The following KIAA1217 variants were observed in gnomAD, a reference collection of about 807,000 sequenced individuals.
KIAA1217 encodes KIAA1217, also known as sickle tail protein homolog.
In KIAA1217, 88 loss-of-function variants were observed where a neutral mutation model predicts 163.9. The ratio of observed to expected loss-of-function variants is 0.54; its 90% CI spans 0.45 to 0.64. The LOEUF (loss-of-function observed/expected upper bound fraction) is 0.64. Ranked by LOEUF, KIAA1217 falls within the 30% of genes least tolerant of loss-of-function variation. The pLI is 0.00. For missense variants in KIAA1217, 2,372 were observed against 2,475.0 expected (o/e 0.96, Z 0.88); for synonymous variants, 903 against 923.1 (o/e 0.98, Z 0.39).
intron 1 of KIAA1217, among the ~76,000 whole-genome samples, chr10:23,813,593 T>C (rs1161513918): frequency 6.6e-6 from 1 of 152,220 alleles, no homozygotes; most frequent in Non-Finnish European, 1.5e-5. Flanking sequence ...TACTATGTAA[T>C]TTATGTACCA....
chr10:24,383,866 C>T lies in KIAA1217; in HGVS notation c.553+2799C>T, dbSNP rs80164647. On this transcript the variant is annotated intron_variant, in intron 3 of 20. Transcript: ENST00000376454. ...ATGGCGTAATCCAGTTGAGCCTGGA[C>T]GGGAAATAAAAAGGAAAATGTGACT... Among the ~76,000 whole-genome samples the T allele has an allele frequency of 1.4e-4, 22 of 152,286 alleles. No homozygotes were observed. The East Asian group carries it at 1.9e-3, about 13-fold the overall frequency.
At chr10:24,011,226 C>A (rs1364705604) in intron 2 of KIAA1217, among the ~76,000 whole-genome samples, 1 of 152,140 alleles carries the variant, frequency 6.6e-6, no homozygotes, top group East Asian at 1.9e-4. Flanking sequence ...TGGCTCACAC[C>A]TATAGTCCCA....
chr10:24,050,564 C>A (rs1849430273), intron 2 of KIAA1217, among the ~76,000 whole-genome samples: 1 of 152,072 alleles, frequency 6.6e-6, no homozygotes, highest in Non-Finnish European at 1.5e-5. Context: ...AATAGGAAAT[C>A]TTTTTCCCAT....
At chr10:23,928,147 A>G (rs1843106872) in intron 1 of KIAA1217, among the ~76,000 whole-genome samples, 1 of 152,164 alleles carries the variant, frequency 6.6e-6, no homozygotes, top group African/African-American at 2.4e-5. Flanking sequence ...TCTTTGAGAC[A>G]TTGTGCTTGT....
intron 1 of KIAA1217, among the ~76,000 whole-genome samples, chr10:23,711,882 G>A (rs920827598): frequency 1.3e-5 from 2 of 152,130 alleles, no homozygotes; most frequent in Non-Finnish European, 2.9e-5. Flanking sequence ...GATGGGAAAC[G>A]AAGCCTGATA....
chr10:23,965,655 A>G (rs1428643696), intron 1 of KIAA1217, among the ~76,000 whole-genome samples: 1 of 152,218 alleles, frequency 6.6e-6, no homozygotes, highest in African/African-American at 2.4e-5. Context: ...CAGGAAGCAA[A>G]ATAAAAGAGC....
intron 3 of KIAA1217, among the ~76,000 whole-genome samples, chr10:24,405,266 T>C (rs2057083592): frequency 6.6e-6 from 1 of 152,218 alleles, no homozygotes. Flanking sequence ...GCGACCTCCC[T>C]GTACATTTCT....
Position 24,145,686 on chromosome 10 carries a change from C to G in KIAA1217, c.-170-73940C>G, listed in dbSNP as rs565529974. Among the ~76,000 whole-genome samples the G allele has an allele frequency of 9.2e-5, 14 of 152,300 alleles. No homozygotes were observed. The South Asian group carries it at 1.2e-3, about 14-fold the overall frequency. On this transcript the variant is annotated intron_variant, in intron 2 of 18. Transcript: ENST00000376462. Reference sequence around the variant, plus strand: ...CCCAAAACCTCAAAAGTAGGGAAGCCAACAATGCAGCCTTCAGTCTGTGGC... The same window carrying G: ...CCCAAAACCTCAAAAGTAGGGAAGCGAACAATGCAGCCTTCAGTCTGTGGC...
chr10:24,357,862 G>A (rs143242520), intron 2 of KIAA1217, among the ~76,000 whole-genome samples: 83 of 152,320 alleles, frequency 5.4e-4, no homozygotes, highest in African/African-American at 1.8e-3. Flanking sequence ...GTGTCTGGAA[G>A]TGAGTCCCAG....
intron 2 of KIAA1217, among the ~76,000 whole-genome samples, chr10:24,074,552 C>G (rs932464088): frequency 1.3e-5 from 2 of 152,038 alleles, no homozygotes; most frequent in Non-Finnish European, 2.9e-5. Context: ...TAAAAAATGT[C>G]AAAGAAACCA....
chr10:24,101,093 C>T (rs956009112), intron 2 of KIAA1217, among the ~76,000 whole-genome samples: 3 of 152,174 alleles, frequency 2.0e-5, no homozygotes, highest in Non-Finnish European at 4.4e-5. Context: ...CAGTATTCCA[C>T]GTTACCATTG....
intron 2 of KIAA1217, among the ~76,000 whole-genome samples, chr10:24,201,979 C>T (rs764315322): frequency 5.9e-5 from 9 of 152,292 alleles, no homozygotes; most frequent in Middle Eastern, 3.4e-3. Context: ...TGTTCTGAGA[C>T]CCCCGAGGGA....
At chr10:23,728,187 G>A (rs902282530) in intron 1 of KIAA1217, among the ~76,000 whole-genome samples, 1 of 152,124 alleles carries the variant, frequency 6.6e-6, no homozygotes, top group Non-Finnish European at 1.5e-5. Flanking sequence ...CCCAGTAATG[G>A]GATTGGTGGC....
chr10:24,546,348 G>T lies in KIAA1217; in HGVS notation c.*24G>T, dbSNP rs1368898740. ...AAAGGTCAAATCCTATTAGGCACAA[G>T]TCGGAGTTACATTTAAAAAAAATTA... On this transcript the variant is annotated 3_prime_UTR_variant, in exon 21 of 21. Coordinates refer to ENST00000376454, the MANE Select transcript of KIAA1217 (RefSeq NM_019590.5). The T allele has an allele frequency of 6.5e-7, 1 of 1,549,588 alleles. No individual in the cohort carries two copies. Among genetic ancestry groups the T allele is most frequent in the Non-Finnish European group, 8.7e-7 (1 of 1,150,460 alleles).
At chr10:23,752,945 C>G (rs539081121) in intron 1 of KIAA1217, among the ~76,000 whole-genome samples, 23 of 152,258 alleles carry the variant, frequency 1.5e-4, no homozygotes, top group Non-Finnish European at 2.8e-4. Flanking sequence ...CCATTTTACA[C>G]AGAAGGAGTT....
intron 2 of KIAA1217, among the ~76,000 whole-genome samples, chr10:24,317,498 G>A (rs1056350863): frequency 6.6e-6 from 1 of 152,140 alleles, no homozygotes; most frequent in Non-Finnish European, 1.5e-5. Context: ...GATGGGGTTG[G>A]CAATGAGGAC....
chr10:24,056,776 C>T (rs2060546864), intron 2 of KIAA1217, among the ~76,000 whole-genome samples: 1 of 152,108 alleles, frequency 6.6e-6, no homozygotes, highest in Admixed American at 6.6e-5. Context: ...TCTACATAAA[C>T]TCCCAATATT....
chr10:24,215,728 G>A lies in KIAA1217; in HGVS notation c.71-3898G>A, dbSNP rs148648787. 3.1e-3 allele frequency among the ~76,000 whole-genome samples: 470 copies of A among 152,328 alleles called. 5 individuals are homozygous for A. The highest frequency in any genetic ancestry group is 0.011 in the African/African-American group (450 of 41,578). ...ACGCTTCCAAGAGCTGAGCCTTGTC[G>A]AGGAAAAGGCTCAAGTGACAGATGT... On this transcript the variant is annotated intron_variant, in intron 1 of 20. Coordinates refer to ENST00000376454, the MANE Select transcript of KIAA1217 (RefSeq NM_019590.5).
intron 2 of KIAA1217, among the ~76,000 whole-genome samples, chr10:24,120,755 G>A (rs2131776463): frequency 6.6e-6 from 1 of 152,256 alleles, no homozygotes; most frequent in Non-Finnish European, 1.5e-5. Context: ...AAGGCATCAA[G>A]TCATCTCTGC....
Sources: gnomAD v4.1 joint callset for allele counts (sites outside exome capture counted in the v4.1 genomes callset) on GRCh38, gnomAD v4.1.1 for gene constraint, MANE v1.5 for transcripts, NCBI Gene and HGNC (gene_info 2026-07-23, HGNC 2026-07-21) for gene names.